The following CCDC88C variants were observed in gnomAD, a reference collection of about 807,000 sequenced individuals.
CCDC88C encodes protein Daple.
Under a neutral mutation model 198.8 loss-of-function variants are expected in CCDC88C, and 131 were observed. That is an observed-to-expected ratio of 0.66 (90% CI 0.57 to 0.76). The LOEUF (loss-of-function observed/expected upper bound fraction) is 0.76, where lower values mean the gene tolerates loss of function less well. CCDC88C is among the 30% of genes least tolerant of loss of function. The probability of loss-of-function intolerance (pLI) is 0.00; values close to 1 mark genes in which losing one functional copy is unlikely to be tolerated. For missense variants in CCDC88C, 2,553 were observed against 2,631.6 expected, an observed-to-expected ratio of 0.97 and a Z score of 0.65; for synonymous variants, 1,166 against 1,114.7, an observed-to-expected ratio of 1.05 and a Z score of -0.92.
At chr14:91,285,777 G>A (rs949805006) in intron 25 of CCDC88C, 8 of 1,289,148 alleles carry the variant, frequency 6.2e-6, no homozygotes, top group Non-Finnish European at 8.1e-6. Flanking sequence ...TGGGTCGTTG[G>A]AGACTTGTCT....
rs773899627 is a variant in CCDC88C at position 91,313,928 on chromosome 14, C to T, written c.1888G>A (p.Ala630Thr). 6.8e-6 allele frequency: 11 copies of T among 1,612,764 alleles called. No homozygotes were observed. The highest frequency in any genetic ancestry group is 7.6e-6 in the Non-Finnish European group (9 of 1,179,820). Residue 630 changes from alanine (A) to threonine (T), a missense_variant, in exon 15 of 30, where the codon GCA (alanine) becomes ACA (threonine). Coordinates refer to ENST00000389857, the MANE Select transcript of CCDC88C (RefSeq NM_001080414.4). The surrounding 1 kb of genome is among the most constrained non-coding windows in gnomAD (Gnocchi z 5.2). The stretch of plus-strand genomic sequence containing the variant: ...TGTAGCTCCCTCTCCAGCTTCTCTG[C>T]CCGCTCCCCCTTCTCCTTGGCCTGC... ...LEQAKEKGERAEKLERELQRL... is the reference protein window; with the variant it reads ...LEQAKEKGERTEKLERELQRL...
At position 91,300,843 on chromosome 14, in the gene CCDC88C, G is replaced by A. The variant is rs190729991; in HGVS notation, c.3636-773C>T. Among the ~76,000 whole-genome samples the A allele has an allele frequency of 2.6e-4, 39 of 152,256 alleles. No homozygotes were observed. The East Asian group carries it at 6.0e-3, about 23-fold the overall frequency. Reference sequence around the variant, plus strand: ...GCCTGTTTCAACCTCGTGTGTTCACGGGTGACCCAGGATCTCCTAGCAGAC... The same window carrying A: ...GCCTGTTTCAACCTCGTGTGTTCACAGGTGACCCAGGATCTCCTAGCAGAC... On this transcript the variant is annotated intron_variant, in intron 20 of 29. Coordinates refer to ENST00000389857, the MANE Select transcript of CCDC88C (RefSeq NM_001080414.4).
chr14:91,300,093 G>GT (rs755833775), intron 20 of CCDC88C, 23 bp from the exon 21 acceptor site: 6 of 1,602,524 alleles, frequency 3.7e-6, no homozygotes, highest in East Asian at 4.5e-5. Context: ...AGCACCTGCC[G>GT]TGAGTCTGGC....
intron 19 of CCDC88C, among the ~76,000 whole-genome samples, 165 bp from the exon 20 acceptor site, chr14:91,304,143 G>A (rs1891461354): frequency 6.6e-6 from 1 of 152,230 alleles, no homozygotes; most frequent in East Asian, 1.9e-4. Flanking sequence ...CAACTGCTGT[G>A]GGAAGGGGAC....
rs200650758 is a variant in CCDC88C, at chr14:91,313,423, G to A, written c.2393C>T (p.Ala798Val). Residue 798 changes from alanine to valine, a missense_variant, in exon 15 of 30, where the codon GCG (alanine) becomes GTG (valine). Coordinates refer to ENST00000389857, the MANE Select transcript of CCDC88C (RefSeq NM_001080414.4). This position sits in a 1 kb window ranked among gnomAD's most constrained non-coding sequence, Gnocchi z 5.2. ...GAGGGCCTCCAGGTCCCGCCGCAGC[G>A]CCTGGCGCTCAGCCTCCAGCTCGCC... ...ELGELEAERQ[A>V]LRRDLEALRL... is the part of the protein sequence containing the mutation. 4.0e-4 allele frequency: 638 copies of A among 1,607,284 alleles called. 2 individuals are homozygous for A. The highest frequency in any genetic ancestry group is 1.8e-3 in the African/African-American group (132 of 75,016).
chr14:91,316,962 G>A (rs1265536860), intron 13 of CCDC88C, among the ~76,000 whole-genome samples: 1 of 152,200 alleles, frequency 6.6e-6, no homozygotes, highest in East Asian at 1.9e-4. Flanking sequence ...AGTCTCATGT[G>A]GTGCAGCATT....
chr14:91,324,779 C>G lies in CCDC88C; in HGVS notation c.1342G>C (p.Ala448Pro). 3 of 1,610,454 alleles carry G rather than the reference C, an allele frequency of 1.9e-6. No homozygotes were observed. Among genetic ancestry groups the G allele is most frequent in the South Asian group, 1.1e-5 (1 of 91,082 alleles). ...QLSKNADLSD[A>P]SRKSFVFELN... ...CTCCCCGGCACCAGGCGCTACCTAC[C>G]GTCTGACAAGTCTGCGTTCTTGGAC... The change falls in exon 12 of 30, where the codon GCC (alanine) becomes CCC (proline). Residue 448 changes from alanine (A) to proline (P), a missense_variant and splice_region_variant. Ala to Pro is a conservative substitution (Grantham distance 27, BLOSUM62 -1). This residue lies in a region of CCDC88C where 1,260 missense variants were observed against 1,412.0 expected (regional missense o/e 0.89). Transcript: ENST00000389857.
intron 3 of CCDC88C, among the ~76,000 whole-genome samples, chr14:91,360,495 G>A (rs907336753): frequency 3.3e-5 from 5 of 152,324 alleles, no homozygotes; most frequent in Middle Eastern, 3.4e-3. Flanking sequence ...AGATGCTACT[G>A]AGCCTTTCTA....
chr14:91,370,178 G>A (rs1894726603), intron 3 of CCDC88C, among the ~76,000 whole-genome samples: 2 of 152,188 alleles, frequency 1.3e-5, no homozygotes, highest in African/African-American at 2.4e-5. Context: ...GCAAGTCACA[G>A]TCCCTCTCTG....
At chr14:91,403,346 G>C (rs537921721) in intron 3 of CCDC88C, among the ~76,000 whole-genome samples, 1 of 152,300 alleles carries the variant, frequency 6.6e-6, no homozygotes, top group East Asian at 1.9e-4. Flanking sequence ...ACCATCTGAA[G>C]TGCTTCCCGC....
At chr14:91,416,226 C>T (rs538330427) in intron 2 of CCDC88C, among the ~76,000 whole-genome samples, 38 of 152,306 alleles carry the variant, frequency 2.5e-4, no homozygotes, top group African/African-American at 7.9e-4. Context: ...TAAACTCAGT[C>T]CATACAGTAG....
chr14:91,396,389 T>C (rs1418289043), intron 3 of CCDC88C, among the ~76,000 whole-genome samples: 1 of 152,180 alleles, frequency 6.6e-6, no homozygotes, highest in Non-Finnish European at 1.5e-5. Context: ...AAGGAACTGG[T>C]TCCTCCTGCC....
Position 91,272,856 on chromosome 14 carries a change from G to A in CCDC88C, c.5856C>T (p.Thr1952=), listed in dbSNP as rs1888145640. Residue 1952 remains threonine, a synonymous_variant, in exon 30 of 30, where the codon ACC becomes ACT. Coordinates refer to ENST00000389857, the MANE Select transcript of CCDC88C (RefSeq NM_001080414.4). Reference sequence around the variant, plus strand: ...TGAGCCCTGCCCGGACAGGGGTGATGGTGGCCACCTCCCCTGAGCGTGGGG... The same window carrying A: ...TGAGCCCTGCCCGGACAGGGGTGATAGTGGCCACCTCCCCTGAGCGTGGGG... ...KAPPRSGEVA[T]ITPVRAGLSL... is the part of the protein sequence containing the mutation. 1 of 1,592,862 alleles carries A rather than the reference G, an allele frequency of 6.3e-7. No individual in the cohort carries two copies.
chr14:91,382,938 T>G (rs755178387), intron 3 of CCDC88C, among the ~76,000 whole-genome samples: 15 of 152,144 alleles, frequency 9.9e-5, no homozygotes, highest in Non-Finnish European at 2.1e-4. Context: ...CTCATCCTAC[T>G]TACCCAGGAG....
intron 29 of CCDC88C, among the ~76,000 whole-genome samples, chr14:91,274,594 C>A (rs553124696): frequency 1.4e-4 from 22 of 152,346 alleles, no homozygotes; most frequent in African/African-American, 4.8e-4. Flanking sequence ...CTGTCCCACA[C>A]AAACATCTGG....
chr14:91,316,705 C>G (rs967189753), intron 13 of CCDC88C, among the ~76,000 whole-genome samples: 1 of 152,222 alleles, frequency 6.6e-6, no homozygotes, highest in Admixed American at 6.5e-5. Context: ...AGCCACTGTG[C>G]CCGGCCAACC....
At chr14:91,337,541 A>G (rs748312758) in intron 10 of CCDC88C, among the ~76,000 whole-genome samples, 68 of 152,288 alleles carry the variant, frequency 4.5e-4, no homozygotes, top group Admixed American at 1.0e-3. Context: ...GAGTCTTGCT[A>G]TGTTGCCCAG....
Position 91,314,133 on chromosome 14 carries a change from C to T in CCDC88C, c.1683G>A (p.Gln561=), listed in dbSNP as rs1891988618. The T allele has an allele frequency of 6.2e-7, 1 of 1,611,248 alleles. No homozygotes were observed. Among genetic ancestry groups the T allele is most frequent in the Non-Finnish European group, 8.5e-7 (1 of 1,179,078 alleles). The change falls in exon 15 of 30, where the codon CAG becomes CAA. Residue 561 remains glutamine (Q), a synonymous_variant. Coordinates refer to ENST00000389857, the MANE Select transcript of CCDC88C (RefSeq NM_001080414.4). ...TGGCTCGGTTGAGGTGGTCCTTTTC[C>T]TGCTCAAGGTCCTTGATCTACGGGA... ...DKARQIKDLE[Q]EKDHLNRAMW...
intron 24 of CCDC88C, among the ~76,000 whole-genome samples, chr14:91,290,004 C>G (rs1244513997): frequency 6.6e-6 from 1 of 152,078 alleles, no homozygotes; most frequent in African/African-American, 2.4e-5. Flanking sequence ...GGCATGGTGG[C>G]TCACGCCTGT....
Sources: allele counts gnomAD v4.1 joint callset (sites outside exome capture counted in the v4.1 genomes callset), GRCh38; gene constraint gnomAD v4.1.1; regional missense constraint gnomAD v4.1.1; non-coding constraint Gnocchi (gnomAD v3.1); transcripts MANE v1.5; gene names NCBI Gene and HGNC (gene_info 2026-07-23, HGNC 2026-07-21).